Variants in ACOXL observed in about 807,000 individuals in gnomAD.
The protein encoded by ACOXL is acyl-coenzyme A oxidase-like protein.
Under a neutral mutation model 71.9 loss-of-function variants are expected in ACOXL, and 70 were observed. The ratio of observed to expected loss-of-function variants is 0.97; its 90% CI spans 0.80 to 1.19. ACOXL has a LOEUF of 1.19. Ranked by LOEUF, ACOXL falls within the 50% of genes most tolerant of loss-of-function variation. The pLI is 0.00. For synonymous variants in ACOXL, 253 were observed against 281.6 expected (o/e 0.90, Z 1.02); for missense variants, 703 against 736.3 (o/e 0.95, Z 0.52).
At chr2:110,763,009 T>G (rs1425205254) in intron 1 of ACOXL, among the ~76,000 whole-genome samples, 1 of 152,212 alleles carries the variant, frequency 6.6e-6, no homozygotes, top group Non-Finnish European at 1.5e-5. Flanking sequence ...TCAGATGGTT[T>G]TATAATTTTT....
chr2:110,902,331 G>A (rs1210394946), intron 10 of ACOXL, among the ~76,000 whole-genome samples: 8 of 152,114 alleles, frequency 5.3e-5, no homozygotes, highest in East Asian at 1.9e-4. Flanking sequence ...TTAGTCAGGC[G>A]TGGTGGTGCA....
chr2:111,116,773 T>C (rs1256985336), intron 17 of ACOXL, among the ~76,000 whole-genome samples: 1 of 151,868 alleles, frequency 6.6e-6, no homozygotes, highest in Non-Finnish European at 1.5e-5. Context: ...TGTGTAGTTT[T>C]AGAAAAACAA....
chr2:110,872,551 G>C (rs1347780672), intron 10 of ACOXL, among the ~76,000 whole-genome samples: 1 of 152,234 alleles, frequency 6.6e-6, no homozygotes, highest in Non-Finnish European at 1.5e-5. Flanking sequence ...ACGTTGATGG[G>C]AGAGTAGCCT....
intron 16 of ACOXL, among the ~76,000 whole-genome samples, chr2:111,091,306 G>A (rs1243253691): frequency 6.6e-6 from 1 of 152,148 alleles, no homozygotes; most frequent in Non-Finnish European, 1.5e-5. Flanking sequence ...ATACTAATGT[G>A]AATGTATCAT....
chr2:111,029,849 CTTG>C (rs897264883), intron 14 of ACOXL, among the ~76,000 whole-genome samples: 6 of 152,122 alleles, frequency 3.9e-5, no homozygotes, highest in African/African-American at 7.2e-5. Flanking sequence ...TTCACTTGAA[CTTG>C]TTGTGGTTTT....
chr2:110,817,895 G>A (rs561528882), intron 9 of ACOXL, among the ~76,000 whole-genome samples: 3 of 149,330 alleles, frequency 2.0e-5, no homozygotes, highest in East Asian at 2.0e-4. Flanking sequence ...ACTGTGGCGC[G>A]TTCCCTTTCT....
In ACOXL at chr2:111,117,766, C is replaced by G. The variant is rs753564035; in HGVS notation, c.1693C>G (p.Pro565Ala). ...CTACCCTGCACCGCTGCAGCCGCGG[C>G]CACGGGAAGAGGCGCGCTCCCGGCG... ...AFYPAPLQPR[P>A]REEARSRRPK... The change falls in exon 18 of 18, where the codon CCA becomes GCA. Residue 565 changes from proline (P) to alanine (A), a missense_variant. Coordinates refer to ENST00000439055, the MANE Select transcript of ACOXL (RefSeq NM_001142807.4). The G allele has an allele frequency of 8.4e-6, 13 of 1,551,296 alleles. No individual in the cohort carries two copies. In the South Asian group the frequency reaches 1.4e-4, roughly 17 times the overall value.
chr2:111,052,794 C>T (rs2066357389), intron 16 of ACOXL, among the ~76,000 whole-genome samples: 1 of 152,158 alleles, frequency 6.6e-6, no homozygotes, highest in South Asian at 2.1e-4. Context: ...CAGGTGTCAC[C>T]TGAGCTCACG....
chr2:110,853,975 A>C (rs1222966878), intron 10 of ACOXL, among the ~76,000 whole-genome samples: 1 of 150,208 alleles, frequency 6.7e-6, no homozygotes, highest in African/African-American at 2.5e-5. Context: ...ACAGATACTT[A>C]CTGAGCTTCT....
intron 10 of ACOXL, among the ~76,000 whole-genome samples, chr2:110,874,353 C>G (rs1018769096): frequency 2.6e-5 from 4 of 152,184 alleles, no homozygotes; most frequent in African/African-American, 7.2e-5. Flanking sequence ...CTCCCACCCC[C>G]ACCCCAGCCC....
At chr2:110,809,492 A>G (rs1398219110) in intron 9 of ACOXL, among the ~76,000 whole-genome samples, 1 of 152,216 alleles carries the variant, frequency 6.6e-6, no homozygotes, top group Non-Finnish European at 1.5e-5. Flanking sequence ...CGTGCCACAT[A>G]TGAGATGGGG....
At chr2:111,088,176 C>T (rs1044786857) in intron 16 of ACOXL, among the ~76,000 whole-genome samples, 2 of 152,166 alleles carry the variant, frequency 1.3e-5, no homozygotes, top group Admixed American at 1.3e-4. Flanking sequence ...AAAAAGGGAA[C>T]GCCTATGTAC....
intron 3 of ACOXL, among the ~76,000 whole-genome samples, chr2:110,790,610 A>T (rs948954678): frequency 1.3e-4 from 20 of 152,136 alleles, no homozygotes; most frequent in African/African-American, 4.8e-4. Context: ...CTCTCTTACC[A>T]CTGCTTTTCG....
intron 10 of ACOXL, among the ~76,000 whole-genome samples, chr2:110,854,583 G>T (rs1418351461): frequency 6.6e-6 from 1 of 152,162 alleles, no homozygotes; most frequent in Non-Finnish European, 1.5e-5. Flanking sequence ...GGGCTGGAAG[G>T]GCAGGCCATG....
chr2:111,015,147 T>G (rs1574488688), intron 14 of ACOXL, among the ~76,000 whole-genome samples: 1 of 152,232 alleles, frequency 6.6e-6, no homozygotes, highest in East Asian at 1.9e-4. Context: ...ACATTTTTCT[T>G]CTCTAAAAGA....
chr2:110,981,034 A>G (rs2062686277), intron 12 of ACOXL, among the ~76,000 whole-genome samples: 1 of 152,170 alleles, frequency 6.6e-6, no homozygotes, highest in Non-Finnish European at 1.5e-5. Context: ...AGCCTGGCAT[A>G]TAGCAGGTGC....
At chr2:110,800,116 T>C (rs978213278) in intron 7 of ACOXL, among the ~76,000 whole-genome samples, 9 of 152,208 alleles carry the variant, frequency 5.9e-5, no homozygotes, top group Admixed American at 3.3e-4. Context: ...CTGTGGAAGC[T>C]TTGTTCTTTC....
At chr2:110,923,936 CAA>C (rs937466509) in intron 11 of ACOXL, among the ~76,000 whole-genome samples, 3 of 123,620 alleles carry the variant, frequency 2.4e-5, no homozygotes, top group Admixed American at 8.4e-5. Context: ...GACTCCATCT[CAA>C]AAAAAAAAAA....
intron 10 of ACOXL, among the ~76,000 whole-genome samples, chr2:110,888,862 G>A (rs948188880): frequency 7.2e-5 from 11 of 152,106 alleles, no homozygotes; most frequent in Non-Finnish European, 1.5e-4. Context: ...TAGTGTCTGG[G>A]GTAAAACTGT....
Sources: gnomAD v4.1 joint callset for allele counts (sites outside exome capture counted in the v4.1 genomes callset) on GRCh38, gnomAD v4.1.1 for gene constraint, MANE v1.5 for transcripts, NCBI Gene and HGNC (gene_info 2026-07-23, HGNC 2026-07-21) for gene names.